EFHC1: variants seen among roughly 807,000 people sequenced by gnomAD.
The protein encoded by EFHC1 is EF-hand domain-containing protein 1.
A neutral mutation model predicts 69.9 loss-of-function variants in EFHC1; 53 were observed. That is an observed-to-expected ratio of 0.76 (90% CI 0.61 to 0.95). The LOEUF is 0.95. Among genes scored for constraint, EFHC1 ranks in the 40% least tolerant of loss-of-function variants. EFHC1 has a pLI of 0.00. For missense variants in EFHC1, 739 were observed against 798.7 expected (o/e 0.93, Z 0.90); for synonymous variants, 256 against 278.4 (o/e 0.92, Z 0.80).
At chr6:52,444,127 C>T (rs1263093415) in intron 3 of EFHC1, among the ~76,000 whole-genome samples, 2 of 152,208 alleles carry the variant, frequency 1.3e-5, no homozygotes, top group Non-Finnish European at 2.9e-5. Context: ...GTGATTTTCG[C>T]ACATTGATTT....
chr6:52,438,655 A>G, intron 3 of EFHC1, 64 bp downstream of exon 3: 1 of 1,540,734 alleles, frequency 6.5e-7, no homozygotes, highest in Non-Finnish European at 9.0e-7. Context: ...AGAAGGATAC[A>G]TTTCATTTAT....
intron 9 of EFHC1, chr6:52,488,935 A>G (rs1188025319): frequency 1.3e-5 from 2 of 152,212 alleles, no homozygotes; most frequent in Admixed American, 6.5e-5. Flanking sequence ...CATTTAGACT[A>G]TCTCAAAACA....
Position 52,452,788 on chromosome 6 carries a change from C to G in EFHC1, c.674C>G (p.Thr225Ser), listed in dbSNP as rs267601073. The G allele has an allele frequency of 3.2e-5, 52 of 1,614,074 alleles. No homozygotes were observed. The highest frequency in any genetic ancestry group is 4.4e-5 in the Non-Finnish European group (52 of 1,180,034). ...LRKQPLRKYVTPSDFDQLKQF... is the reference protein window; with the variant it reads ...LRKQPLRKYVSPSDFDQLKQF... ...AAACAGCCTCTTCGTAAGTATGTCA[C>G]CCCATCAGACTTTGATCAACTCAAG... The change falls in exon 4 of 11, where the codon ACC (threonine) becomes AGC (serine). Residue 225 changes from threonine to serine, a missense_variant. Transcript: ENST00000371068.
At chr6:52,469,927 G>A (rs1371712230) in intron 7 of EFHC1, among the ~76,000 whole-genome samples, 1 of 152,146 alleles carries the variant, frequency 6.6e-6, no homozygotes, top group African/African-American at 2.4e-5. Context: ...TAAGAGCATG[G>A]AGTTGGAAAT....
chr6:52,435,034 T>C (rs1298434578), intron 2 of EFHC1, among the ~76,000 whole-genome samples: 1 of 152,202 alleles, frequency 6.6e-6, no homozygotes, highest in East Asian at 1.9e-4. Context: ...GGAGCATGGC[T>C]GTGGCCACAG....
Position 52,452,752 on chromosome 6 carries a change from C to A in EFHC1, c.638C>A (p.Thr213Asn). Residue 213 changes from threonine (T) to asparagine (N), a missense_variant, in exon 4 of 11, where the codon ACT (threonine) becomes AAT (asparagine). Transcript: ENST00000371068. ...PPEKMALDPY[T>N]ELRKQPLRKY... ...GAGAAGATGGCTCTTGATCCTTACA[C>A]TGAACTCCGAAAACAGCCTCTTCGT... The A allele has an allele frequency of 6.2e-7, 1 of 1,614,212 alleles. No individual in the cohort carries two copies. The highest frequency in any genetic ancestry group is 8.5e-7 in the Non-Finnish European group (1 of 1,180,038).
rs559289153 is a variant in EFHC1 at position 52,496,283 on chromosome 6, C to T, written c.*3942C>T. On this transcript the variant is annotated 3_prime_UTR_variant, in exon 11 of 11. Transcript: ENST00000371068. Reference sequence around the variant, plus strand: ...TGGTAGCTGAAGCTATCAGGTCTAACTGAAGCATTTGACTAAGACTGCTTA... The same window carrying T: ...TGGTAGCTGAAGCTATCAGGTCTAATTGAAGCATTTGACTAAGACTGCTTA... The T allele has an allele frequency of 6.5e-6, 1 of 153,388 alleles. No individual in the cohort carries two copies. Among genetic ancestry groups the T allele is most frequent in the East Asian group, 1.9e-4 (1 of 5,202 alleles). The allele number at this position is 153,388 out of a possible 1,614,324, so 9.5% of individuals were successfully genotyped here.
chr6:52,422,292 T>C lies in EFHC1; in HGVS notation c.64-1654T>C, dbSNP rs550355819. On this transcript the variant is annotated intron_variant, in intron 1 of 10. Transcript: ENST00000371068. ...AATAAACTGAAGTCACTGATGTTGC[T>C]TCTGTCTTTGGTGGTGGAAGAAGAG... Among the ~76,000 whole-genome samples the C allele has an allele frequency of 2.0e-5, 3 of 152,312 alleles. No homozygotes were observed. In the East Asian group the frequency reaches 5.8e-4, roughly 29 times the overall value.
At chr6:52,451,375 T>G (rs1764913804) in intron 3 of EFHC1, among the ~76,000 whole-genome samples, 1 of 152,250 alleles carries the variant, frequency 6.6e-6, no homozygotes, top group Non-Finnish European at 1.5e-5. Context: ...AAGGATCTTA[T>G]TTCTCCTTTG....
At chr6:52,426,625 A>T (rs914245780) in intron 2 of EFHC1, among the ~76,000 whole-genome samples, 3 of 152,094 alleles carry the variant, frequency 2.0e-5, no homozygotes, top group Admixed American at 6.6e-5. Flanking sequence ...CACCTGGATG[A>T]ACTGTTGGTA....
intron 1 of EFHC1, 131 bp downstream of exon 1, chr6:52,420,604 C>G: frequency 8.8e-7 from 1 of 1,130,352 alleles, no homozygotes. Context: ...CTGTCCTGAC[C>G]CTGTTCTTTA....
Position 52,492,752 on chromosome 6 carries a change from C to T in EFHC1, c.*411C>T, listed in dbSNP as rs568704769. 1.2e-4 allele frequency: 52 copies of T among 443,640 alleles called. No homozygotes were observed. Among genetic ancestry groups the T allele is most frequent in the South Asian group, 7.6e-4 (47 of 61,826 alleles). 27.5% of individuals were successfully genotyped at this position (443,640 alleles called of 1,614,324 possible). ...ACTTCAACCTCCCCAGTAGCTGGGACAACAGGCTCAAGCCACCATGCCCAG... is the reference window on the plus strand; with the variant it reads ...ACTTCAACCTCCCCAGTAGCTGGGATAACAGGCTCAAGCCACCATGCCCAG... On this transcript the variant is annotated 3_prime_UTR_variant, in exon 11 of 11. Coordinates refer to ENST00000371068, the MANE Select transcript of EFHC1 (RefSeq NM_018100.4).
chr6:52,433,582 AG>A (rs1034163410), intron 2 of EFHC1, among the ~76,000 whole-genome samples: 3 of 152,264 alleles, frequency 2.0e-5, no homozygotes, highest in African/African-American at 7.2e-5. Flanking sequence ...TGGAGGTGGC[AG>A]GGGGGTGAAA....
At chr6:52,472,930 A>G (rs528465961) in intron 7 of EFHC1, among the ~76,000 whole-genome samples, 29 of 152,348 alleles carry the variant, frequency 1.9e-4, no homozygotes, top group African/African-American at 7.0e-4. Context: ...GGGATATACC[A>G]TGTTCATTGG....
In EFHC1 at chr6:52,455,751, G is replaced by T. The variant is rs115853012; in HGVS notation, c.916+1464G>T. On this transcript the variant is annotated intron_variant, in intron 5 of 10. Coordinates refer to ENST00000371068, the MANE Select transcript of EFHC1 (RefSeq NM_018100.4). ...TGTAGTCTGAGGCTAAATTCAACGTGTCTGTACATATTGCTTCACTTGCAC... is the reference window on the plus strand; with the variant it reads ...TGTAGTCTGAGGCTAAATTCAACGTTTCTGTACATATTGCTTCACTTGCAC... 5.5e-3 allele frequency among the ~76,000 whole-genome samples: 845 copies of T among 152,298 alleles called. 8 individuals carry two copies. The highest frequency in any genetic ancestry group is 0.019 in the African/African-American group (795 of 41,576).
chr6:52,458,266 G>A (rs1398143860), intron 5 of EFHC1, among the ~76,000 whole-genome samples: 1 of 148,210 alleles, frequency 6.7e-6, no homozygotes, highest in African/African-American at 2.5e-5. Flanking sequence ...TCAGAGCAGG[G>A]GGAAAAAAAA....
intron 2 of EFHC1, among the ~76,000 whole-genome samples, chr6:52,429,615 A>C (rs1306046037): frequency 6.6e-6 from 1 of 151,984 alleles, no homozygotes; most frequent in Non-Finnish European, 1.5e-5. Flanking sequence ...ATAGTTTGAA[A>C]TCAGGTAGTG....
intron 5 of EFHC1, among the ~76,000 whole-genome samples, chr6:52,463,293 A>T (rs898230496): frequency 6.6e-6 from 1 of 151,560 alleles, no homozygotes; most frequent in Non-Finnish European, 1.5e-5. Context: ...AAGTGCTGAG[A>T]TTATAGGCAT....
In EFHC1 at chr6:52,466,668, G is replaced by A. The variant is rs75492029; in HGVS notation, c.1137+1553G>A. The stretch of plus-strand genomic sequence containing the variant: ...CTAATACAGTGCCTAATAAATAGGA[G>A]GTATATAATATGTTTCTTGAACTGG... On this transcript the variant is annotated intron_variant, in intron 6 of 10. Coordinates refer to ENST00000371068, the MANE Select transcript of EFHC1 (RefSeq NM_018100.4). 5.5e-3 allele frequency among the ~76,000 whole-genome samples: 845 copies of A among 152,264 alleles called. 8 individuals are homozygous for A. The highest frequency in any genetic ancestry group is 0.019 in the African/African-American group (795 of 41,542).
Sources: allele counts gnomAD v4.1 joint callset (sites outside exome capture counted in the v4.1 genomes callset), GRCh38; gene constraint gnomAD v4.1.1; transcripts MANE v1.5; gene names NCBI Gene and HGNC (gene_info 2026-07-23, HGNC 2026-07-21).